TAFA2: variants seen among roughly 807,000 people sequenced by gnomAD.
TAFA2 encodes the protein TAFA chemokine like family member 2.
Under a neutral mutation model 18.8 loss-of-function variants are expected in TAFA2, and 7 were observed. The observed-to-expected ratio is 0.37, with a 90% confidence interval of 0.21 to 0.70. The LOEUF (loss-of-function observed/expected upper bound fraction) is 0.70, where lower values mean the gene tolerates loss of function less well. Among genes scored for constraint, TAFA2 ranks in the 30% least tolerant of loss-of-function variants. The pLI is 0.53. For missense variants in TAFA2, 122 were observed against 158.1 expected, an observed-to-expected ratio of 0.77 and a Z score of 1.23; for synonymous variants, 60 against 54.2, an observed-to-expected ratio of 1.11 and a Z score of -0.47.
chr12:62,143,134 T>C (rs1230879078), intron 1 of TAFA2, among the ~76,000 whole-genome samples: 1 of 152,178 alleles, frequency 6.6e-6, no homozygotes, highest in Non-Finnish European at 1.5e-5. Flanking sequence ...AAATTTTGCC[T>C]AGCAAGGTTT....
At chr12:62,140,077 G>A (rs1478575357) in intron 1 of TAFA2, 2 of 152,140 alleles carry the variant, frequency 1.3e-5, no homozygotes, top group African/African-American at 4.8e-5. Context: ...TATTTCCCCA[G>A]AGCATGATGT....
chr12:61,723,499 G>A (rs1033821590), intron 4 of TAFA2, among the ~76,000 whole-genome samples: 2 of 152,084 alleles, frequency 1.3e-5, no homozygotes, highest in African/African-American at 4.8e-5. Flanking sequence ...GGGTGATTAG[G>A]TGACCCAAAG....
chr12:62,195,448 A>T (rs1485665902), upstream of TAFA2, among the ~76,000 whole-genome samples: 1 of 152,208 alleles, frequency 6.6e-6, no homozygotes, highest in Non-Finnish European at 1.5e-5. Flanking sequence ...AGGAATCATT[A>T]TCTATGACAG....
At chr12:62,223,159 T>C (rs891520198) in intron 1 of TAFA2, among the ~76,000 whole-genome samples, 1 of 152,150 alleles carries the variant, frequency 6.6e-6, no homozygotes, top group Non-Finnish European at 1.5e-5. Flanking sequence ...CATAAAAAAG[T>C]AAGTAATATA....
intron 4 of TAFA2, among the ~76,000 whole-genome samples, chr12:61,746,949 A>C (rs2120725590): frequency 6.6e-6 from 1 of 152,276 alleles, no homozygotes; most frequent in South Asian, 2.1e-4. Flanking sequence ...AATGGGAGAA[A>C]ATTTTCACCA....
chr12:62,151,497 T>C (rs1250487835), intron 1 of TAFA2, among the ~76,000 whole-genome samples: 1 of 152,228 alleles, frequency 6.6e-6, no homozygotes, highest in Non-Finnish European at 1.5e-5. Flanking sequence ...ACAATATATA[T>C]GGTTCATTTG....
At chr12:62,121,573 C>T (rs994463039) in intron 1 of TAFA2, among the ~76,000 whole-genome samples, 7 of 152,086 alleles carry the variant, frequency 4.6e-5, no homozygotes, top group African/African-American at 1.7e-4. Context: ...ATGATTCAAC[C>T]ACCAGGAAAG....
At chr12:62,112,216 G>T (rs1245449933) in intron 1 of TAFA2, among the ~76,000 whole-genome samples, 2 of 152,138 alleles carry the variant, frequency 1.3e-5, no homozygotes, top group East Asian at 1.9e-4. Flanking sequence ...TTGCTTGTCT[G>T]TAAAGGATTT....
At chr12:62,062,029 C>G (rs948030252) in intron 1 of TAFA2, among the ~76,000 whole-genome samples, 4 of 152,076 alleles carry the variant, frequency 2.6e-5, no homozygotes, top group African/African-American at 9.7e-5. Context: ...CAAAAATTAG[C>G]CAGGTGCAAT....
chr12:62,122,020 T>G (rs550592422), intron 1 of TAFA2, among the ~76,000 whole-genome samples: 5 of 152,230 alleles, frequency 3.3e-5, no homozygotes, highest in South Asian at 4.1e-4. Context: ...AGCTAAATGA[T>G]GAGAACACAT....
intron 1 of TAFA2, among the ~76,000 whole-genome samples, chr12:62,151,229 C>T (rs1265217903): frequency 1.3e-5 from 2 of 152,116 alleles, no homozygotes; most frequent in South Asian, 2.1e-4. Flanking sequence ...GGTCACCTGG[C>T]TAATCAGTAC....
exon 1 of TAFA2, chr12:62,258,764 T>A: frequency 2.7e-6 from 1 of 376,118 alleles, no homozygotes; most frequent in East Asian, 1.0e-4. Context: ...TGAACTTACA[T>A]CCATGTAGCT....
chr12:62,147,061 T>C (rs2062286502), intron 1 of TAFA2, among the ~76,000 whole-genome samples: 2 of 150,964 alleles, frequency 1.3e-5, no homozygotes. Context: ...AAATGAACCA[T>C]GAGGAAAGGA....
chr12:62,001,873 A>G (rs1880388619), intron 1 of TAFA2, among the ~76,000 whole-genome samples: 1 of 152,234 alleles, frequency 6.6e-6, no homozygotes, highest in South Asian at 2.1e-4. Context: ...ATTATGCAGC[A>G]CTATAATTAG....
At chr12:62,129,644 A>C (rs576152023) in intron 1 of TAFA2, among the ~76,000 whole-genome samples, 3 of 152,152 alleles carry the variant, frequency 2.0e-5, no homozygotes, top group African/African-American at 7.2e-5. Flanking sequence ...AAAAATGTTA[A>C]GTGCAGGGTA....
intron 1 of TAFA2, among the ~76,000 whole-genome samples, chr12:61,962,435 A>G (rs1878918955): frequency 6.6e-6 from 1 of 151,974 alleles, no homozygotes; most frequent in Non-Finnish European, 1.5e-5. Flanking sequence ...GAGGACTGGA[A>G]TCATGGATTT....
intron 2 of TAFA2, among the ~76,000 whole-genome samples, chr12:61,859,696 T>C (rs12814184): frequency 0.28 from 42,891 of 151,900 alleles, 6,611 homozygotes; most frequent in South Asian, 0.4. Flanking sequence ...CCCGCCTCGG[T>C]CTCCCAAAGT....
rs563265900 is a variant in TAFA2, at chr12:61,734,913, T to C, written c.384+18709A>G. On this transcript the variant is annotated intron_variant, in intron 4 of 4. Coordinates refer to ENST00000416284, the MANE Select transcript of TAFA2 (RefSeq NM_178539.5). Reference sequence around the variant, plus strand: ...CCAGTATACTCACTATTTTTATGAGTTGACAACCTCTTTATGTCTCAATCT... The same window carrying C: ...CCAGTATACTCACTATTTTTATGAGCTGACAACCTCTTTATGTCTCAATCT... Among the ~76,000 whole-genome samples, 16 of 152,158 alleles carry C rather than the reference T, an allele frequency of 1.1e-4. 1 individual carries two copies. In the East Asian group the frequency reaches 1.2e-3, roughly 11 times the overall value.
chr12:61,993,897 T>C (rs1010423058), intron 1 of TAFA2, among the ~76,000 whole-genome samples: 4 of 152,110 alleles, frequency 2.6e-5, no homozygotes, highest in Non-Finnish European at 4.4e-5. Flanking sequence ...ACTTCCCTCA[T>C]AGTGCTCCCT....
Sources: gnomAD v4.1 joint callset for allele counts (sites outside exome capture counted in the v4.1 genomes callset) on GRCh38, gnomAD v4.1.1 for gene constraint, MANE v1.5 for transcripts, NCBI Gene and HGNC (gene_info 2026-07-23, HGNC 2026-07-21) for gene names.